Variants in RYR2 observed in about 807,000 individuals in gnomAD.
RYR2 encodes the protein cardiac muscle ryanodine receptor-calcium release channel.
RYR2 carries 227 observed loss-of-function variants against 601.1 expected under a neutral mutation model. The observed-to-expected ratio is 0.38, with a 90% CI of 0.34 to 0.42. RYR2 has a LOEUF of 0.42. RYR2 is among the 10% of genes least tolerant of loss of function. The probability of loss-of-function intolerance (pLI) is 1.00; values close to 1 mark genes in which losing one functional copy is unlikely to be tolerated. For missense variants in RYR2, 4,646 were observed against 6,156.5 expected (o/e 0.75, Z 8.21); for synonymous variants, 2,223 against 2,175.1 (o/e 1.02, Z -0.61).
At chr1:237,305,477 G>C (rs1212491441) in intron 2 of RYR2, among the ~76,000 whole-genome samples, 1 of 152,182 alleles carries the variant, frequency 6.6e-6, no homozygotes, top group African/African-American at 2.4e-5. Flanking sequence ...TGTCACCCAG[G>C]CTGGAGTGCA....
At position 237,213,838 on chromosome 1, in the gene RYR2, G is replaced by A. The variant is rs1380471290; in HGVS notation, c.49-56659G>A. On this transcript the variant is annotated intron_variant, in intron 1 of 104. Coordinates refer to ENST00000366574, the MANE Select transcript of RYR2 (RefSeq NM_001035.3). The stretch of plus-strand genomic sequence containing the variant: ...CTGAAATTTATTCTGGCAAAGGATA[G>A]GGAGAGCTTTAATTTTTTTTTCCCC... Among the ~76,000 whole-genome samples the A allele has an allele frequency of 2.6e-5, 4 of 151,044 alleles. No homozygotes were observed. The East Asian group carries it at 5.8e-4, about 22-fold the overall frequency.
intron 1 of RYR2, among the ~76,000 whole-genome samples, chr1:237,205,905 A>G (rs1291794289): frequency 6.6e-6 from 1 of 152,208 alleles, no homozygotes; most frequent in Non-Finnish European, 1.5e-5. Flanking sequence ...ATGCAGGACA[A>G]CTGGAAGCCG....
chr1:237,831,127 G>A (rs191204227), intron 103 of RYR2, among the ~76,000 whole-genome samples: 88 of 152,066 alleles, frequency 5.8e-4, no homozygotes, highest in African/African-American at 1.6e-3. Context: ...CTCATTTTCC[G>A]ACCCAATTTT....
chr1:237,283,256 C>T (rs7526759), intron 2 of RYR2, among the ~76,000 whole-genome samples: 72,199 of 151,978 alleles, frequency 0.48, 19,177 homozygotes, highest in East Asian at 0.77. Context: ...TCTTGCTTGC[C>T]TGTCTACCTG....
chr1:237,262,245 G>A (rs985615471), intron 1 of RYR2, among the ~76,000 whole-genome samples: 5 of 61,106 alleles, frequency 8.2e-5, no homozygotes, highest in African/African-American at 2.4e-4. Context: ...GTTCTAAAGA[G>A]TTTTTTTTTT....
At chr1:237,132,205 G>A (rs779472680) in intron 1 of RYR2, among the ~76,000 whole-genome samples, 6 of 152,174 alleles carry the variant, frequency 3.9e-5, no homozygotes, top group Non-Finnish European at 8.8e-5. Context: ...TATGTAATGA[G>A]GACACTCAAG....
At chr1:237,821,826 C>T (rs142329768) in intron 101 of RYR2, among the ~76,000 whole-genome samples, 1 of 151,636 alleles carries the variant, frequency 6.6e-6, no homozygotes, top group African/African-American at 2.4e-5. Context: ...TAGAGGAGAA[C>T]ATAAATGACC....
At chr1:237,054,157 TCTCCTTCCTCCCTCC>T (rs1232705182) in intron 1 of RYR2, among the ~76,000 whole-genome samples, 4 of 151,904 alleles carry the variant, frequency 2.6e-5, no homozygotes, top group Admixed American at 6.6e-5. Flanking sequence ...AGCCCTTCTT[TCTCCTTCCTCCCTCC>T]CTCCTTCCCT....
At chr1:237,635,407 TCA>T (rs1418776512) in intron 44 of RYR2, among the ~76,000 whole-genome samples, 4 of 152,180 alleles carry the variant, frequency 2.6e-5, no homozygotes, top group African/African-American at 9.7e-5. Flanking sequence ...ATCATACACT[TCA>T]GTTTTTAAAA....
At chr1:237,794,169 C>T (rs1473104387) in intron 95 of RYR2, among the ~76,000 whole-genome samples, 172 bp downstream of exon 95, 2 of 152,068 alleles carry the variant, frequency 1.3e-5, no homozygotes, top group Non-Finnish European at 2.9e-5. Flanking sequence ...TGGTGGATGT[C>T]CTCAATTTTT....
At chr1:237,256,798 C>T (rs1200454209) in intron 1 of RYR2, among the ~76,000 whole-genome samples, 1 of 152,164 alleles carries the variant, frequency 6.6e-6, no homozygotes, top group African/African-American at 2.4e-5. Flanking sequence ...GTCGCTTTCT[C>T]ATCTTCTGTG....
At chr1:237,061,678 T>C (rs1359669159) in intron 1 of RYR2, among the ~76,000 whole-genome samples, 1 of 152,236 alleles carries the variant, frequency 6.6e-6, no homozygotes, top group Non-Finnish European at 1.5e-5. Context: ...GATACGTCTA[T>C]TGCAAATATC....
intron 8 of RYR2, among the ~76,000 whole-genome samples, chr1:237,378,992 G>A (rs1010633303): frequency 2.0e-5 from 3 of 152,162 alleles, no homozygotes; most frequent in South Asian, 2.1e-4. Flanking sequence ...GTCACCATGC[G>A]AATTTCTAGG....
At chr1:237,664,252 A>G (rs981607194) in intron 56 of RYR2, among the ~76,000 whole-genome samples, 8 of 152,350 alleles carry the variant, frequency 5.3e-5, no homozygotes, top group Admixed American at 3.9e-4. Flanking sequence ...GGATAGAGGA[A>G]TGGTGCATTC....
intron 1 of RYR2, among the ~76,000 whole-genome samples, chr1:237,122,618 A>G (rs537082279): frequency 6.6e-6 from 1 of 152,236 alleles, no homozygotes; most frequent in Admixed American, 6.5e-5. Context: ...GGAGGTGGAG[A>G]TTGCAGTGAG....
At chr1:237,551,254 G>A (rs1293330679) in intron 27 of RYR2, among the ~76,000 whole-genome samples, 1 of 152,178 alleles carries the variant, frequency 6.6e-6, no homozygotes, top group Admixed American at 6.5e-5. Context: ...TTTAGGCCGG[G>A]CATGGTGGCT....
At chr1:237,126,169 A>G (rs1187601600) in intron 1 of RYR2, among the ~76,000 whole-genome samples, 4 of 151,794 alleles carry the variant, frequency 2.6e-5, no homozygotes, top group Non-Finnish European at 4.4e-5. Context: ...CCAGGGAGGC[A>G]GAGGTTGCAG....
chr1:237,416,240 C>A (rs1704968326), intron 10 of RYR2, among the ~76,000 whole-genome samples: 1 of 152,138 alleles, frequency 6.6e-6, no homozygotes, highest in Admixed American at 6.5e-5. Flanking sequence ...GGTATTACTG[C>A]TGTCTGTGAG....
At chr1:237,665,166 C>T (rs997500829) in intron 56 of RYR2, among the ~76,000 whole-genome samples, 6 of 152,016 alleles carry the variant, frequency 3.9e-5, no homozygotes, top group East Asian at 1.9e-4. Context: ...TTTGGGAGGC[C>T]GAGGCGGGTG....
Sources: gnomAD v4.1 joint callset for allele counts (sites outside exome capture counted in the v4.1 genomes callset) on GRCh38, gnomAD v4.1.1 for gene constraint, MANE v1.5 for transcripts, NCBI Gene and HGNC (gene_info 2026-07-23, HGNC 2026-07-21) for gene names.